The following MMP26 variants were observed in gnomAD, a reference collection of about 807,000 sequenced individuals.
MMP26 encodes the protein matrix metalloproteinase-26.
A neutral mutation model predicts 31.0 loss-of-function variants in MMP26; 33 were observed. The ratio of observed to expected loss-of-function variants is 1.06; its 90% confidence interval spans 0.81 to 1.42. The LOEUF is 1.42. Ranked by LOEUF, MMP26 falls within the 40% of genes most tolerant of loss-of-function variation. MMP26 has a pLI of 0.00. For missense variants in MMP26, 347 were observed against 316.1 expected (o/e 1.10, Z -0.74); for synonymous variants, 122 against 114.9 (o/e 1.06, Z -0.40).
chr11:4,967,600 C>A (rs1846613620), intron 2 of MMP26, among the ~76,000 whole-genome samples: 1 of 152,098 alleles, frequency 6.6e-6, no homozygotes, highest in Admixed American at 6.6e-5. Context: ...AGGTGTCAGG[C>A]TGTTTTTTTC....
chr11:4,882,590 G>A (rs1335661567), intron 2 of MMP26: 1 of 1,613,888 alleles, frequency 6.2e-7, no homozygotes, highest in South Asian at 1.1e-5. Context: ...TCTGGGCATT[G>A]TGGCCCGAAA....
rs1851298924 is a variant in MMP26 at position 4,928,118 on chromosome 11, A to G, written c.-144-59950A>G. The stretch of plus-strand genomic sequence containing the variant: ...TTCTAGCCATGTGACTATATGACCT[A>G]GGACAAATTACTTAATCTTTCTGAG... On this transcript the variant is annotated intron_variant, in intron 2 of 7. Transcript: ENST00000380390. 2.9e-5 allele frequency among the ~76,000 whole-genome samples: 3 copies of G among 105,118 alleles called. No homozygotes were observed. The Admixed American group carries it at 3.4e-4, about 12-fold the overall frequency. 69.0% of individuals were successfully genotyped at this position (105,118 alleles called of 152,430 possible).
chr11:4,851,225 A>G (rs1057483865), intron 2 of MMP26, among the ~76,000 whole-genome samples: 1 of 152,200 alleles, frequency 6.6e-6, no homozygotes, highest in Non-Finnish European at 1.5e-5. Flanking sequence ...CTCCAGCTCT[A>G]TCAACAGTGG....
At chr11:4,985,562 C>G (rs1353741852) in intron 2 of MMP26, among the ~76,000 whole-genome samples, 1 of 152,108 alleles carries the variant, frequency 6.6e-6, no homozygotes, top group Non-Finnish European at 1.5e-5. Flanking sequence ...TGGGATATAG[C>G]ACTCGCATTA....
At chr11:4,908,274 T>A in intron 2 of MMP26, 1 of 1,614,110 alleles carries the variant, frequency 6.2e-7, no homozygotes, top group South Asian at 1.1e-5. Context: ...TGGGAGAAGA[T>A]CTTGGGGAAG....
intron 2 of MMP26, among the ~76,000 whole-genome samples, chr11:4,855,523 A>G (rs1034236319): frequency 6.6e-6 from 1 of 152,194 alleles, no homozygotes; most frequent in African/African-American, 2.4e-5. Context: ...GTTTAGAGAA[A>G]AAAGAGTAAA....
intron 1 of MMP26, among the ~76,000 whole-genome samples, chr11:4,743,585 A>G (rs1279849696): frequency 6.6e-6 from 1 of 152,170 alleles, no homozygotes; most frequent in Non-Finnish European, 1.5e-5. Context: ...TACAAATGAT[A>G]CAATACCATT....
intron 2 of MMP26, among the ~76,000 whole-genome samples, chr11:4,926,161 TA>T: frequency 7.0e-6 from 1 of 142,554 alleles, no homozygotes; most frequent in Non-Finnish European, 1.6e-5. Context: ...TGAATAACAA[TA>T]AAATAATAAC....
intron 2 of MMP26, among the ~76,000 whole-genome samples, chr11:4,868,666 C>T (rs1018158287): frequency 2.6e-5 from 4 of 152,128 alleles, no homozygotes; most frequent in Non-Finnish European, 4.4e-5. Flanking sequence ...AGATTCAATG[C>T]CATCTCCATA....
intron 2 of MMP26, chr11:4,907,417 G>C: frequency 6.2e-7 from 1 of 1,613,822 alleles, no homozygotes; most frequent in Non-Finnish European, 8.5e-7. Flanking sequence ...TTCTGATTGG[G>C]ATCCCAGGAC....
intron 2 of MMP26, among the ~76,000 whole-genome samples, chr11:4,906,947 A>G (rs557813947): frequency 6.6e-6 from 1 of 151,908 alleles, no homozygotes; most frequent in African/African-American, 2.4e-5. Context: ...AAAATTAGCT[A>G]CGCATGGTGG....
intron 2 of MMP26, among the ~76,000 whole-genome samples, chr11:4,925,091 C>CATT (rs1249439620): frequency 1.3e-5 from 2 of 152,142 alleles, no homozygotes; most frequent in Non-Finnish European, 2.9e-5. Flanking sequence ...GCCTAATGTG[C>CATT]ATTACATCAT....
intron 2 of MMP26, chr11:4,915,863 T>C (rs1200351242): frequency 2.0e-6 from 1 of 504,000 alleles, no homozygotes; most frequent in Non-Finnish European, 3.5e-6. Context: ...ATTTGTCTCA[T>C]AGTTTCAATA....
chr11:4,738,058 A>C (rs116107432), intron 1 of MMP26, among the ~76,000 whole-genome samples: 1 of 152,216 alleles, frequency 6.6e-6, no homozygotes, highest in South Asian at 2.1e-4. Context: ...CCTTTCAAGC[A>C]GTAGGACTAC....
chr11:4,754,690 T>C lies in MMP26; in HGVS notation c.-216-12580T>C, dbSNP rs911802796. Among the ~76,000 whole-genome samples the C allele has an allele frequency of 3.3e-5, 5 of 152,036 alleles. No homozygotes were observed. In the East Asian group the frequency reaches 9.6e-4, roughly 29 times the overall value. On this transcript the variant is annotated intron_variant, in intron 1 of 7. Coordinates refer to ENST00000380390, the MANE Select transcript of MMP26 (RefSeq NM_021801.5). Reference sequence around the variant, plus strand: ...ACTTATAGCTGTAGATGGAAATTAGTTTGGCTATTTCTCCAAACATGTTGT... The same window carrying C: ...ACTTATAGCTGTAGATGGAAATTAGCTTGGCTATTTCTCCAAACATGTTGT...
chr11:4,843,319 T>C (rs1332556798), intron 2 of MMP26, among the ~76,000 whole-genome samples: 2 of 152,242 alleles, frequency 1.3e-5, no homozygotes, highest in Non-Finnish European at 2.9e-5. Flanking sequence ...AAGTTCTCCA[T>C]GAGAGCACCA....
chr11:4,897,893 G>A (rs1238382884), intron 2 of MMP26, among the ~76,000 whole-genome samples: 1 of 147,650 alleles, frequency 6.8e-6, no homozygotes, highest in East Asian at 2.0e-4. Context: ...TAATTTTCCA[G>A]CAATTAAGTA....
intron 2 of MMP26, among the ~76,000 whole-genome samples, chr11:4,841,272 G>T (rs938983011): frequency 6.6e-6 from 1 of 152,076 alleles, no homozygotes; most frequent in Non-Finnish European, 1.5e-5. Flanking sequence ...TAATAACAGA[G>T]AACATCCCAA....
In MMP26 at chr11:4,919,656, T is replaced by C. The variant is rs74746740; in HGVS notation, c.-144-68412T>C. Among the ~76,000 whole-genome samples the C allele has an allele frequency of 5.4e-3, 821 of 152,304 alleles. 10 individuals carry two copies. Among genetic ancestry groups the C allele is most frequent in the African/African-American group, 0.019 (797 of 41,562 alleles). ...TGGGTGCTATTGATAATGTTTTATGTGTGATATGGCATAACCCCAATTTAT... is the reference window on the plus strand; with the variant it reads ...TGGGTGCTATTGATAATGTTTTATGCGTGATATGGCATAACCCCAATTTAT... On this transcript the variant is annotated intron_variant, in intron 2 of 7. Transcript: ENST00000380390.
Sources: allele counts gnomAD v4.1 joint callset (sites outside exome capture counted in the v4.1 genomes callset), GRCh38; gene constraint gnomAD v4.1.1; transcripts MANE v1.5; gene names NCBI Gene and HGNC (gene_info 2026-07-23, HGNC 2026-07-21).